Variants in SLC2A9 observed in about 807,000 individuals in gnomAD.
SLC2A9 encodes the protein solute carrier family 2 member 9.
SLC2A9 carries 39 observed loss-of-function variants against 50.6 expected under a neutral mutation model. That is an observed-to-expected ratio of 0.77 (90% CI 0.60 to 1.01). The LOEUF is 1.01. Among genes scored for constraint, SLC2A9 ranks in the 50% least tolerant of loss-of-function variants. The pLI, the probability that SLC2A9 is intolerant of heterozygous loss-of-function variation, is 0.00. For missense variants in SLC2A9, 686 were observed against 677.6 expected (o/e 1.01, Z -0.14); for synonymous variants, 324 against 276.9 (o/e 1.17, Z -1.69).
intron 3 of SLC2A9, chr4:9,782,278 G>A (rs767483503): frequency 2.5e-6 from 4 of 1,613,966 alleles, no homozygotes; most frequent in Middle Eastern, 1.7e-4. Flanking sequence ...TCGTGTCTCT[G>A]GCCGTGTCAG....
chr4:10,028,181 G>C (rs1460335771), intron 1 of SLC2A9, among the ~76,000 whole-genome samples: 1 of 152,196 alleles, frequency 6.6e-6, no homozygotes, highest in Non-Finnish European at 1.5e-5. Context: ...CTGGTTGATC[G>C]GGGGTCCCAC....
intron 3 of SLC2A9, among the ~76,000 whole-genome samples, chr4:9,815,546 C>T (rs1299505405): frequency 1.3e-5 from 2 of 152,240 alleles, no homozygotes; most frequent in Non-Finnish European, 2.9e-5. Context: ...TGGCCTGTGC[C>T]GTTAGGGTGT....
rs898147951 is a variant in SLC2A9 at position 9,939,935 on chromosome 4, A to G, written c.814+1978T>C. ...AATAAGCTATTTCAACTTAAGGCCAATATCTTTGTTCTTTTTATAGAGTGC... is the reference window on the plus strand; with the variant it reads ...AATAAGCTATTTCAACTTAAGGCCAGTATCTTTGTTCTTTTTATAGAGTGC... On this transcript the variant is annotated intron_variant, in intron 6 of 11. Coordinates refer to ENST00000264784, the MANE Select transcript of SLC2A9 (RefSeq NM_020041.3). 6.0e-4 allele frequency among the ~76,000 whole-genome samples: 92 copies of G among 152,146 alleles called. 1 individual carries two copies. Among genetic ancestry groups the G allele is most frequent in the Non-Finnish European group, 1.2e-4 (8 of 68,030 alleles).
chr4:9,821,076 C>A (rs539245181), intron 3 of SLC2A9, among the ~76,000 whole-genome samples: 1 of 152,068 alleles, frequency 6.6e-6, no homozygotes, highest in South Asian at 2.1e-4. Context: ...TTTGTAGATA[C>A]TCTATTTCAG....
chr4:9,848,867 G>A (rs1349483085), intron 10 of SLC2A9, among the ~76,000 whole-genome samples: 1 of 152,040 alleles, frequency 6.6e-6, no homozygotes, highest in Admixed American at 6.6e-5. Context: ...ACCACGCCCG[G>A]CTAATTTTGT....
At chr4:9,808,874 A>G (rs1191700497) in intron 3 of SLC2A9, among the ~76,000 whole-genome samples, 2 of 152,164 alleles carry the variant, frequency 1.3e-5, no homozygotes, top group Admixed American at 6.5e-5. Flanking sequence ...CACACAAAAG[A>G]AGGTACAAAA....
In SLC2A9 at chr4:9,845,431, T is replaced by C. The variant is rs997173167; in HGVS notation, c.1292-10423A>G. On this transcript the variant is annotated intron_variant, in intron 10 of 11. Transcript: ENST00000264784. ...TGGAACCACGATCATCAATTTCTTTTTTTTTTTTTTTTTTTTGAGACGGAG... is the reference window on the plus strand; with the variant it reads ...TGGAACCACGATCATCAATTTCTTTCTTTTTTTTTTTTTTTTGAGACGGAG... Among the ~76,000 whole-genome samples, 11 of 129,932 alleles carry C rather than the reference T, an allele frequency of 8.5e-5. 2 individuals are homozygous for C. Among genetic ancestry groups the C allele is most frequent in the African/African-American group, 1.6e-4 (5 of 30,780 alleles). The allele number at this position is 129,932 out of a possible 152,430, so 85.2% of individuals were successfully genotyped here.
intron 3 of SLC2A9, among the ~76,000 whole-genome samples, chr4:9,801,746 A>G (rs1349222396): frequency 6.6e-6 from 1 of 152,238 alleles, no homozygotes; most frequent in East Asian, 1.9e-4. Context: ...AGTCAGCTAC[A>G]GTGGCATCTC....
At chr4:10,004,644 T>C (rs1315257999) in intron 2 of SLC2A9, among the ~76,000 whole-genome samples, 1 of 152,196 alleles carries the variant, frequency 6.6e-6, no homozygotes, top group Admixed American at 6.5e-5. Context: ...GAATTTTCAC[T>C]GTGTTAAGCC....
chr4:9,905,076 C>T (rs1409155022), intron 8 of SLC2A9, among the ~76,000 whole-genome samples: 2 of 152,170 alleles, frequency 1.3e-5, no homozygotes, highest in African/African-American at 2.4e-5. Context: ...TAATTGTTTC[C>T]AGGTTTGCTT....
At chr4:9,798,125 T>C (rs1029741870), downstream of SLC2A9, among the ~76,000 whole-genome samples, 2 of 152,234 alleles carry the variant, frequency 1.3e-5, no homozygotes, top group African/African-American at 4.8e-5. Context: ...AGGATGGGTC[T>C]GGTGCAACCA....
At chr4:9,869,641 C>G (rs936914454) in intron 10 of SLC2A9, among the ~76,000 whole-genome samples, 2 of 152,200 alleles carry the variant, frequency 1.3e-5, no homozygotes, top group Non-Finnish European at 2.9e-5. Flanking sequence ...TTTGATTTTA[C>G]GCCAATCTTT....
chr4:9,911,847 G>T (rs1021931627), intron 7 of SLC2A9, among the ~76,000 whole-genome samples: 3 of 152,218 alleles, frequency 2.0e-5, no homozygotes, highest in African/African-American at 7.2e-5. Flanking sequence ...TCTCCATGGA[G>T]ATGTGATTGC....
chr4:9,986,405 A>C (rs963098498), intron 3 of SLC2A9, among the ~76,000 whole-genome samples: 1 of 152,224 alleles, frequency 6.6e-6, no homozygotes, highest in Non-Finnish European at 1.5e-5. Context: ...GACTGGCAGG[A>C]AACTCAGACA....
At chr4:9,791,134 T>C (rs1719867636) in intron 3 of SLC2A9, among the ~76,000 whole-genome samples, 1 of 152,226 alleles carries the variant, frequency 6.6e-6, no homozygotes. Flanking sequence ...GGCCAAGCTG[T>C]ATGTAATATT....
intron 7 of SLC2A9, among the ~76,000 whole-genome samples, chr4:9,916,293 A>G (rs1203113630): frequency 1.3e-5 from 2 of 152,230 alleles, no homozygotes; most frequent in Non-Finnish European, 2.9e-5. Flanking sequence ...GCAAAGACCC[A>G]GGCAGCAGTC....
At chr4:9,771,360 C>G in exon 2 of SLC2A9, 1 of 395,468 alleles carries the variant, frequency 2.5e-6, no homozygotes, top group Admixed American at 4.4e-5. Context: ...GCCTTCTTGA[C>G]ATGAGGTCAC....
intron 9 of SLC2A9, 137 bp downstream of exon 9, chr4:9,890,473 A>G (rs1737170050): frequency 1.2e-6 from 1 of 833,780 alleles, no homozygotes; most frequent in Non-Finnish European, 2.0e-6. Flanking sequence ...TCCAGAGATG[A>G]GATGTCCCCG....
intron 5 of SLC2A9, among the ~76,000 whole-genome samples, chr4:9,964,542 C>T (rs569982393): frequency 5.3e-5 from 8 of 152,260 alleles, no homozygotes; most frequent in South Asian, 2.1e-4. Context: ...CAAAGAGAAA[C>T]GGTAGGATTT....
Sources: gnomAD v4.1 joint callset for allele counts (sites outside exome capture counted in the v4.1 genomes callset) on GRCh38, gnomAD v4.1.1 for gene constraint, MANE v1.5 for transcripts, NCBI Gene and HGNC (gene_info 2026-07-23, HGNC 2026-07-21) for gene names.